The following MGAT4C variants were observed in gnomAD, a reference collection of about 807,000 sequenced individuals.
The protein encoded by MGAT4C is MGAT4 family member C.
MGAT4C carries 19 observed loss-of-function variants against 40.1 expected under a neutral mutation model. The ratio of observed to expected loss-of-function variants is 0.47; its 90% confidence interval spans 0.33 to 0.70. The LOEUF (loss-of-function observed/expected upper bound fraction) is 0.70, where lower values mean the gene tolerates loss of function less well. Ranked by LOEUF, MGAT4C falls within the 30% of genes least tolerant of loss-of-function variation. The pLI is 0.02. For missense variants in MGAT4C, 491 were observed against 563.2 expected, an observed-to-expected ratio of 0.87 and a Z score of 1.30; for synonymous variants, 181 against 187.1, an observed-to-expected ratio of 0.97 and a Z score of 0.27.
intron 4 of MGAT4C, among the ~76,000 whole-genome samples, chr12:86,303,068 TTCTC>T (rs1162022260): frequency 6.6e-6 from 1 of 150,662 alleles, no homozygotes; most frequent in Non-Finnish European, 1.5e-5. Context: ...TTAATTTTAC[TTCTC>T]TATTTTTCTC....
rs541121703 is a variant in MGAT4C, at chr12:86,296,592, G to A, written c.-57+37473C>T. On this transcript the variant is annotated intron_variant, in intron 4 of 7. Coordinates refer to the MGAT4C transcript ENST00000548651. ...CCAGCGAGAAATCGAGCGCAGCGCC[G>A]GTGGGCTGGCACTGCTGGGGGTCCC... Among the ~76,000 whole-genome samples, 369 of 152,334 alleles carry A rather than the reference G, an allele frequency of 2.4e-3. 1 individual carries two copies. The highest frequency in any genetic ancestry group is 8.2e-3 in the African/African-American group (343 of 41,594).
chr12:86,357,140 A>G (rs976805978), intron 3 of MGAT4C, among the ~76,000 whole-genome samples: 3 of 152,334 alleles, frequency 2.0e-5, no homozygotes, highest in East Asian at 3.9e-4. Context: ...AGGAAGGAAC[A>G]GGCAGCAATA....
intron 1 of MGAT4C, among the ~76,000 whole-genome samples, chr12:86,120,226 T>A (rs1699430784): frequency 6.6e-6 from 1 of 151,882 alleles, no homozygotes; most frequent in Non-Finnish European, 1.5e-5. Context: ...TTTTATTTTA[T>A]TTTATTTTTT....
intron 2 of MGAT4C, among the ~76,000 whole-genome samples, chr12:86,478,194 G>C (rs1337223317): frequency 2.0e-5 from 3 of 152,148 alleles, no homozygotes; most frequent in East Asian, 3.9e-4. Context: ...AGAGGTCAGA[G>C]GCCAGTCTAG....
At chr12:86,123,908 T>A (rs1277665592) in intron 1 of MGAT4C, among the ~76,000 whole-genome samples, 1 of 152,128 alleles carries the variant, frequency 6.6e-6, no homozygotes, top group Non-Finnish European at 1.5e-5. Context: ...ATTTTACTTA[T>A]TTAATTCAAC....
intron 1 of MGAT4C, among the ~76,000 whole-genome samples, chr12:86,071,374 T>G (rs1239161114): frequency 6.6e-6 from 1 of 152,098 alleles, no homozygotes; most frequent in Non-Finnish European, 1.5e-5. Flanking sequence ...CAATTGTTTT[T>G]TGAAGAATAA....
At chr12:86,686,157 G>A (rs1950069156) in intron 2 of MGAT4C, among the ~76,000 whole-genome samples, 1 of 151,956 alleles carries the variant, frequency 6.6e-6, no homozygotes. Flanking sequence ...GGGATTACAG[G>A]GGTGAGCCAC....
In MGAT4C at chr12:86,538,341, G is replaced by A. The variant is rs180741432; in HGVS notation, c.-228-103076C>T. ...TATTCTCAAGTTGGCAGGGATCCAAGGAAAGAATAGCTTCATGAGAGTCTG... is the reference window on the plus strand; with the variant it reads ...TATTCTCAAGTTGGCAGGGATCCAAAGAAAGAATAGCTTCATGAGAGTCTG... On this transcript the variant is annotated intron_variant, in intron 2 of 7. Transcript: ENST00000548651. 4.5e-3 allele frequency among the ~76,000 whole-genome samples: 689 copies of A among 152,222 alleles called. 8 individuals carry two copies. Among genetic ancestry groups the A allele is most frequent in the Admixed American group, 6.6e-3 (101 of 15,288 alleles).
intron 3 of MGAT4C, among the ~76,000 whole-genome samples, chr12:86,416,659 A>T (rs1407586458): frequency 1.9e-4 from 29 of 152,114 alleles, no homozygotes; most frequent in Admixed American, 1.9e-3. Context: ...CTTGATATAG[A>T]TCTCATGGGT....
intron 2 of MGAT4C, among the ~76,000 whole-genome samples, chr12:85,991,311 G>A (rs1035798728): frequency 1.3e-5 from 2 of 152,176 alleles, no homozygotes; most frequent in African/African-American, 4.8e-5. Context: ...GGGCCTCAGA[G>A]AGGAGGAAGC....
chr12:86,723,301 G>C (rs980290954), intron 2 of MGAT4C, among the ~76,000 whole-genome samples: 4 of 152,154 alleles, frequency 2.6e-5, no homozygotes, highest in African/African-American at 9.7e-5. Flanking sequence ...AGAAACATTT[G>C]TTAAGATAAT....
chr12:86,377,301 C>T lies in MGAT4C; in HGVS notation c.-119-43174G>A, dbSNP rs1214393624. On this transcript the variant is annotated intron_variant, in intron 3 of 7. Transcript: ENST00000548651. The stretch of plus-strand genomic sequence containing the variant: ...CTCCAACTCCCGACCTCAGGTTATC[C>T]GCCCACCTCAGCATCCCAAAGTGCT... Among the ~76,000 whole-genome samples the T allele has an allele frequency of 6.6e-5, 10 of 152,198 alleles. 1 individual carries two copies. The South Asian group carries it at 1.9e-3, about 28-fold the overall frequency.
chr12:86,415,239 G>T (rs1395929461), intron 3 of MGAT4C, among the ~76,000 whole-genome samples: 1 of 151,954 alleles, frequency 6.6e-6, no homozygotes, highest in African/African-American at 2.4e-5. Flanking sequence ...GTCAATTACA[G>T]GTGTTCTAAT....
At chr12:86,694,819 G>GA (rs1403073294) in intron 2 of MGAT4C, among the ~76,000 whole-genome samples, 2 of 152,216 alleles carry the variant, frequency 1.3e-5, no homozygotes, top group African/African-American at 4.8e-5. Flanking sequence ...ACTACAACGA[G>GA]AAAACCTCTG....
chr12:86,366,696 T>G lies in MGAT4C; in HGVS notation c.-119-32569A>C, dbSNP rs567956830. On this transcript the variant is annotated intron_variant, in intron 3 of 7. Transcript: ENST00000548651. ...ACATAATATACACACCTAACAAATC[T>G]GCACATGTAGCCTTTAATGTATAAT... 2.6e-5 allele frequency among the ~76,000 whole-genome samples: 4 copies of G among 152,264 alleles called. No individual in the cohort carries two copies. The East Asian group carries it at 7.7e-4, about 29-fold the overall frequency.
At chr12:86,672,148 A>T (rs1395550240) in intron 2 of MGAT4C, among the ~76,000 whole-genome samples, 3 of 152,032 alleles carry the variant, frequency 2.0e-5, no homozygotes, top group Admixed American at 6.6e-5. Context: ...AAAACTATAC[A>T]AGTATATGGA....
chr12:86,585,094 A>C (rs1402505898), intron 2 of MGAT4C, among the ~76,000 whole-genome samples: 1 of 151,362 alleles, frequency 6.6e-6, no homozygotes, highest in Non-Finnish European at 1.5e-5. Context: ...CACTTCTTTA[A>C]AAACTAAAAT....
At chr12:86,123,022 A>C (rs1202652819) in intron 1 of MGAT4C, among the ~76,000 whole-genome samples, 6 of 152,158 alleles carry the variant, frequency 3.9e-5, no homozygotes, top group Admixed American at 3.9e-4. Context: ...ACAAGCCAGT[A>C]TTAGTCATGA....
intron 2 of MGAT4C, among the ~76,000 whole-genome samples, chr12:86,031,309 AAAATGGTCTGCATAG>A (rs1458486898): frequency 6.6e-6 from 1 of 151,802 alleles, no homozygotes; most frequent in African/African-American, 2.4e-5. Context: ...AACGATGGCC[AAAATGGTCTGCATAG>A]AAATTTATAT....
Sources: allele counts gnomAD v4.1 joint callset (sites outside exome capture counted in the v4.1 genomes callset), GRCh38; gene constraint gnomAD v4.1.1; transcripts MANE v1.5; gene names NCBI Gene and HGNC (gene_info 2026-07-23, HGNC 2026-07-21).